The following KCNIP4 variants were observed in gnomAD, a reference collection of about 807,000 sequenced individuals.
KCNIP4 encodes potassium voltage-gated channel interacting protein 4.
KCNIP4 carries 12 observed loss-of-function variants against 34.0 expected under a neutral mutation model. The observed-to-expected ratio is 0.35, with a 90% CI of 0.23 to 0.57. The LOEUF is 0.57. KCNIP4 is among the 20% of genes least tolerant of loss of function. The pLI, the probability that KCNIP4 is intolerant of heterozygous loss-of-function variation, is 0.83. For missense variants in KCNIP4, 238 were observed against 311.7 expected (o/e 0.76, Z 1.78); for synonymous variants, 124 against 102.2 (o/e 1.21, Z -1.29).
At chr4:21,567,374 G>T (rs1739978370) in intron 1 of KCNIP4, among the ~76,000 whole-genome samples, 1 of 151,882 alleles carries the variant, frequency 6.6e-6, no homozygotes, top group African/African-American at 2.4e-5. Flanking sequence ...TCTTTATAGG[G>T]GTCTAGACTT....
At position 21,126,416 on chromosome 4, in the gene KCNIP4, A is replaced by G. The variant is rs956437749; in HGVS notation, c.62-243707T>C. Reference sequence around the variant, plus strand: ...TTTGGTAGTGAGAGCGACTACAAATAGAATCCCTATTCAACATACAGGAAA... The same window carrying G: ...TTTGGTAGTGAGAGCGACTACAAATGGAATCCCTATTCAACATACAGGAAA... On this transcript the variant is annotated intron_variant, in intron 1 of 8. Transcript: ENST00000382152. Among the ~76,000 whole-genome samples, 3 of 152,178 alleles carry G rather than the reference A, an allele frequency of 2.0e-5. No homozygotes were observed. The East Asian group carries it at 5.8e-4, about 29-fold the overall frequency.
At chr4:21,716,668 G>A (rs759657569) in intron 1 of KCNIP4, among the ~76,000 whole-genome samples, 2 of 152,098 alleles carry the variant, frequency 1.3e-5, no homozygotes, top group Admixed American at 6.6e-5. Context: ...TACCCCCAAC[G>A]AGTGAGTCAA....
intron 1 of KCNIP4, among the ~76,000 whole-genome samples, chr4:21,869,862 C>T (rs1178480032): frequency 6.6e-6 from 1 of 151,962 alleles, no homozygotes; most frequent in South Asian, 2.1e-4. Context: ...ATACAACACA[C>T]ATACAAGCCT....
At chr4:21,876,992 G>A (rs1442627734) in intron 1 of KCNIP4, among the ~76,000 whole-genome samples, 1 of 151,556 alleles carries the variant, frequency 6.6e-6, no homozygotes. Flanking sequence ...AAAAAAAAAA[G>A]GATTAAAGAT....
chr4:21,343,907 C>T (rs575621523), intron 1 of KCNIP4, among the ~76,000 whole-genome samples: 1 of 152,180 alleles, frequency 6.6e-6, no homozygotes, highest in East Asian at 1.9e-4. Flanking sequence ...CACAACCACA[C>T]TCCGAGGTAG....
chr4:20,912,420 G>A (rs967273941), intron 1 of KCNIP4, among the ~76,000 whole-genome samples: 5 of 152,072 alleles, frequency 3.3e-5, no homozygotes, highest in Non-Finnish European at 7.4e-5. Flanking sequence ...GAAACCTAAA[G>A]AAATTCATTT....
At chr4:21,034,029 G>C (rs1022582157) in intron 1 of KCNIP4, among the ~76,000 whole-genome samples, 8 of 152,028 alleles carry the variant, frequency 5.3e-5, no homozygotes, top group African/African-American at 1.9e-4. Flanking sequence ...AATTCTATTT[G>C]ATTTTCCAAG....
rs1730035531 is a variant in KCNIP4 at position 21,938,821 on chromosome 4, G to A, written c.61+9750C>T. On this transcript the variant is annotated intron_variant, in intron 1 of 8. Transcript: ENST00000382152. The stretch of plus-strand genomic sequence containing the variant: ...TCAAGTAGAATTCTGGGGTAGAGAA[G>A]GAAGATATGATTTAAATGTTTAATT... Among the ~76,000 whole-genome samples the A allele has an allele frequency of 2.0e-5, 3 of 152,174 alleles. No homozygotes were observed. The South Asian group carries it at 6.2e-4, about 32-fold the overall frequency.
At chr4:21,165,938 A>G (rs1753597659) in intron 1 of KCNIP4, among the ~76,000 whole-genome samples, 1 of 152,170 alleles carries the variant, frequency 6.6e-6, no homozygotes, top group African/African-American at 2.4e-5. Context: ...GTTTACCTCT[A>G]CTGTCCCTTC....
intron 1 of KCNIP4, among the ~76,000 whole-genome samples, chr4:21,488,508 C>G (rs903322328): frequency 6.6e-6 from 1 of 151,724 alleles, no homozygotes; most frequent in Admixed American, 6.6e-5. Flanking sequence ...TGAAATGTCA[C>G]AAAATTAAAG....
intron 1 of KCNIP4, among the ~76,000 whole-genome samples, chr4:21,272,935 A>AGTATC (rs1272471709): frequency 1.1e-4 from 16 of 152,104 alleles, no homozygotes; most frequent in Non-Finnish European, 2.1e-4. Flanking sequence ...TTTCTCTATC[A>AGTATC]GTATCGTCTT....
intron 1 of KCNIP4, among the ~76,000 whole-genome samples, chr4:21,732,729 G>A (rs1417077509): frequency 2.0e-5 from 3 of 152,096 alleles, no homozygotes; most frequent in Non-Finnish European, 4.4e-5. Context: ...GCCTCTCAAG[G>A]TGGCATCAGG....
intron 1 of KCNIP4, among the ~76,000 whole-genome samples, chr4:20,967,818 G>A (rs147353058): frequency 0.018 from 2,671 of 152,074 alleles, 77 homozygotes; most frequent in African/African-American, 0.061. Context: ...ACCTAAAACC[G>A]TAAAAAACCT....
At chr4:21,826,086 C>T (rs112055683) in intron 1 of KCNIP4, among the ~76,000 whole-genome samples, 5 of 152,020 alleles carry the variant, frequency 3.3e-5, no homozygotes, top group African/African-American at 9.7e-5. Context: ...TGATACCTAG[C>T]GAGCCAAAAA....
intron 2 of KCNIP4, among the ~76,000 whole-genome samples, chr4:20,864,082 A>G (rs886421121): frequency 6.6e-6 from 1 of 151,490 alleles, no homozygotes; most frequent in South Asian, 2.1e-4. Flanking sequence ...GTATGTATGT[A>G]TGTATATGCA....
At chr4:20,803,944 G>A (rs951119028) in intron 3 of KCNIP4, among the ~76,000 whole-genome samples, 4 of 152,148 alleles carry the variant, frequency 2.6e-5, no homozygotes, top group African/African-American at 9.7e-5. Context: ...CTCTAAGCAA[G>A]TTATTTAATA....
At chr4:21,634,365 T>C (rs777652182) in intron 1 of KCNIP4, among the ~76,000 whole-genome samples, 13 of 152,132 alleles carry the variant, frequency 8.5e-5, no homozygotes, top group Non-Finnish European at 1.8e-4. Context: ...TTAACTTTCA[T>C]GTATCTTCTA....
chr4:20,873,596 T>C (rs1723707769), intron 2 of KCNIP4, among the ~76,000 whole-genome samples: 1 of 152,200 alleles, frequency 6.6e-6, no homozygotes, highest in African/African-American at 2.4e-5. Context: ...TCTTCAAATA[T>C]TGTTCTTGAT....
At chr4:20,957,281 T>TGTTG (rs1466522063) in intron 1 of KCNIP4, among the ~76,000 whole-genome samples, 1 of 152,204 alleles carries the variant, frequency 6.6e-6, no homozygotes, top group African/African-American at 2.4e-5. Context: ...CTGACACCAC[T>TGTTG]GTTGATTTAT....
Sources: allele counts gnomAD v4.1 joint callset (sites outside exome capture counted in the v4.1 genomes callset), GRCh38; gene constraint gnomAD v4.1.1; transcripts MANE v1.5; gene names NCBI Gene and HGNC (gene_info 2026-07-23, HGNC 2026-07-21).